TOX: variants seen among roughly 807,000 people sequenced by gnomAD.
TOX encodes thymocyte selection associated high mobility group box.
TOX carries 11 observed loss-of-function variants against 53.7 expected under a neutral mutation model. That is an observed-to-expected ratio of 0.20 (90% CI 0.13 to 0.34). The LOEUF (loss-of-function observed/expected upper bound fraction) is 0.34. Among genes scored for constraint, TOX ranks in the 10% least tolerant of loss-of-function variants. The probability of loss-of-function intolerance (pLI) is 1.00; values close to 1 mark genes in which losing one functional copy is unlikely to be tolerated. For synonymous variants in TOX, 225 were observed against 245.3 expected (o/e 0.92, Z 0.77); for missense variants, 570 against 664.6 (o/e 0.86, Z 1.56).
intron 1 of TOX, among the ~76,000 whole-genome samples, chr8:59,111,624 T>G (rs995971319): frequency 6.6e-6 from 1 of 152,016 alleles, no homozygotes; most frequent in Non-Finnish European, 1.5e-5. Context: ...ACACCAATGT[T>G]TCTAGCTCGG....
chr8:58,965,731 T>C lies in TOX; in HGVS notation c.103-5723A>G, dbSNP rs577525837. On this transcript the variant is annotated intron_variant, in intron 1 of 8. Transcript: ENST00000361421. ...TCTGAAAGAATATTTGATACTTTGA[T>C]GTTTGAAAAGAAGGGCTAAAAATGG... Among the ~76,000 whole-genome samples the C allele has an allele frequency of 1.2e-4, 18 of 152,152 alleles. No homozygotes were observed. The South Asian group carries it at 3.7e-3, about 32-fold the overall frequency.
At position 58,963,189 on chromosome 8, in the gene TOX, G is replaced by A. The variant is rs898183713; in HGVS notation, c.103-3181C>T. 6.6e-5 allele frequency among the ~76,000 whole-genome samples: 10 copies of A among 152,194 alleles called. No individual in the cohort carries two copies. The South Asian group carries it at 8.3e-4, about 13-fold the overall frequency. On this transcript the variant is annotated intron_variant, in intron 1 of 8. Transcript: ENST00000361421. ...GCTTTCGGTCTGGAACTACACCATCGGTTCTCCTGGCTCTCCAGCTTGCTA... is the reference window on the plus strand; with the variant it reads ...GCTTTCGGTCTGGAACTACACCATCAGTTCTCCTGGCTCTCCAGCTTGCTA...
At chr8:59,104,004 T>C (rs1057405351) in intron 1 of TOX, among the ~76,000 whole-genome samples, 1 of 152,196 alleles carries the variant, frequency 6.6e-6, no homozygotes, top group Admixed American at 6.5e-5. Flanking sequence ...GATTTTAACA[T>C]AACTCCAACT....
intron 4 of TOX, among the ~76,000 whole-genome samples, chr8:58,850,247 G>A (rs947600905): frequency 6.6e-6 from 1 of 152,142 alleles, no homozygotes. Context: ...ATGATTGTGA[G>A]GAAGAAGTTT....
At chr8:58,826,441 T>C (rs2129165793) in intron 6 of TOX, among the ~76,000 whole-genome samples, 1 of 152,350 alleles carries the variant, frequency 6.6e-6, no homozygotes, top group South Asian at 2.1e-4. Context: ...TACCTCCTAA[T>C]GCTGCTGTAA....
chr8:59,036,469 AT>A (rs1814460997), intron 1 of TOX, among the ~76,000 whole-genome samples: 1 of 152,122 alleles, frequency 6.6e-6, no homozygotes, highest in Non-Finnish European at 1.5e-5. Flanking sequence ...TTTATTGAAA[AT>A]TCTTTTGAAT....
At chr8:58,923,034 A>G (rs1812097976) in intron 3 of TOX, among the ~76,000 whole-genome samples, 1 of 152,208 alleles carries the variant, frequency 6.6e-6, no homozygotes, top group Non-Finnish European at 1.5e-5. Context: ...GGGGCAGAAT[A>G]GTGTGAATTG....
intron 1 of TOX, among the ~76,000 whole-genome samples, chr8:59,000,195 T>A (rs749379352): frequency 6.6e-6 from 1 of 152,200 alleles, no homozygotes; most frequent in Non-Finnish European, 1.5e-5. Flanking sequence ...AATAGATGTG[T>A]ATATTCAGTT....
chr8:59,050,051 A>T (rs1250501450), intron 1 of TOX, among the ~76,000 whole-genome samples: 1 of 152,154 alleles, frequency 6.6e-6, no homozygotes, highest in Non-Finnish European at 1.5e-5. Context: ...CGATCCCCAG[A>T]TTCTTTTCAA....
chr8:59,090,705 T>G (rs1010812419), intron 1 of TOX, among the ~76,000 whole-genome samples: 1 of 152,076 alleles, frequency 6.6e-6, no homozygotes, highest in East Asian at 1.9e-4. Context: ...TCCCCTCATC[T>G]CACAGCAACT....
chr8:59,013,560 G>A (rs1438511504), intron 1 of TOX, among the ~76,000 whole-genome samples: 1 of 152,062 alleles, frequency 6.6e-6, no homozygotes, highest in Non-Finnish European at 1.5e-5. Context: ...ACAGCCACGA[G>A]CCACCATGCC....
At position 58,815,345 on chromosome 8, in the gene TOX, A is replaced by G. The variant is rs1348665678; in HGVS notation, c.1385T>C (p.Met462Thr). ...CAGAGCCATTGCACTTACTTGCTGC[A>G]TGGTGGGTGAGTGTAAGGCAGACTG... is the stretch of plus-strand genomic sequence containing the variant. ...QVQSALHSPTMQQGFTLQPDY... is the reference protein window; with the variant it reads ...QVQSALHSPTTQQGFTLQPDY... Residue 462 changes from methionine (M) to threonine (T), a missense_variant, in exon 7 of 9, where the codon ATG becomes ACG. Met to Thr is a moderately conservative substitution (Grantham distance 81, BLOSUM62 -1). Around this residue, in one of 3 missense-constraint regions of TOX, gnomAD observed 239 missense variants for 250.7 expected, o/e 0.95. Coordinates refer to ENST00000361421, the MANE Select transcript of TOX (RefSeq NM_014729.3). 6.3e-6 allele frequency: 10 copies of G among 1,596,614 alleles called. No homozygotes were observed. Among genetic ancestry groups the G allele is most frequent in the Non-Finnish European group, 8.5e-6 (10 of 1,170,614 alleles).
Position 59,092,265 on chromosome 8 carries a change from T to TTATATATATATA in TOX, c.102+26609_102+26620dup, listed in dbSNP as rs201625696. Among the ~76,000 whole-genome samples the TTATATATATATA allele has an allele frequency of 2.8e-4, 25 of 89,906 alleles. 1 individual carries two copies. In the East Asian group the frequency reaches 4.0e-3, roughly 14 times the overall value. The allele number at this position is 89,906 out of a possible 152,430, so 59.0% of individuals were successfully genotyped here. A position where few individuals can be genotyped will look rare whatever the true frequency, so the allele number is the denominator to read the frequency against. ...AGACTCCATCTCATATATATATATT[T>TTATATATATATA]TATATATATATATATATTATATATA... On this transcript the variant is annotated intron_variant, in intron 1 of 8. Transcript: ENST00000361421.
chr8:59,075,389 C>A (rs1345998546), intron 1 of TOX, among the ~76,000 whole-genome samples: 1 of 152,074 alleles, frequency 6.6e-6, no homozygotes, highest in Non-Finnish European at 1.5e-5. Flanking sequence ...CACTGTATAC[C>A]CAGAGGAAAG....
chr8:58,855,494 T>C (rs1396104483), intron 3 of TOX, among the ~76,000 whole-genome samples: 1 of 152,226 alleles, frequency 6.6e-6, no homozygotes, highest in East Asian at 1.9e-4. Flanking sequence ...CAAACTCTTG[T>C]GAGTTCTGTT....
intron 3 of TOX, among the ~76,000 whole-genome samples, chr8:58,888,717 T>C (rs754523327): frequency 2.9e-4 from 44 of 151,914 alleles, no homozygotes; most frequent in Non-Finnish European, 5.7e-4. Flanking sequence ...GACTACAGAA[T>C]AGAAAATCTG....
At chr8:58,962,187 T>C (rs551010528) in intron 1 of TOX, among the ~76,000 whole-genome samples, 1 of 152,216 alleles carries the variant, frequency 6.6e-6, no homozygotes, top group African/African-American at 2.4e-5. Context: ...TGTACGCTAA[T>C]TGAGTACATT....
intron 1 of TOX, among the ~76,000 whole-genome samples, chr8:59,067,277 G>A (rs1226607225): frequency 6.6e-6 from 1 of 152,146 alleles, no homozygotes; most frequent in Non-Finnish European, 1.5e-5. Flanking sequence ...TAACTGGCCG[G>A]CCGAGGGGGC....
At chr8:58,810,233 G>A (rs1007504419) in intron 7 of TOX, among the ~76,000 whole-genome samples, 3 of 152,044 alleles carry the variant, frequency 2.0e-5, no homozygotes, top group African/African-American at 7.3e-5. Flanking sequence ...TGAACTCTGG[G>A]GCTCAAGGGA....
Sources: allele counts gnomAD v4.1 joint callset (sites outside exome capture counted in the v4.1 genomes callset), GRCh38; gene constraint gnomAD v4.1.1; regional missense constraint gnomAD v4.1.1; transcripts MANE v1.5; gene names NCBI Gene and HGNC (gene_info 2026-07-23, HGNC 2026-07-21).